The following SYCE2 variants were observed in gnomAD, a reference collection of about 807,000 sequenced individuals.
SYCE2 encodes central element synaptonemal complex 1.
A neutral mutation model predicts 27.9 loss-of-function variants in SYCE2; 3 were observed. That is an observed-to-expected ratio of 0.11 (90% CI 0.05 to 0.28). The LOEUF (loss-of-function observed/expected upper bound fraction) is 0.28, where lower values mean the gene tolerates loss of function less well. SYCE2 is among the 10% of genes least tolerant of loss of function. The pLI is 1.00. For synonymous variants in SYCE2, 85 were observed against 100.7 expected (o/e 0.84, Z 0.93); for missense variants, 207 against 263.5 (o/e 0.79, Z 1.48).
At position 12,903,650 on chromosome 19, in the gene SYCE2, G is replaced by T. The variant is rs556820181; in HGVS notation, c.306+842C>A. 2.0e-5 allele frequency among the ~76,000 whole-genome samples: 3 copies of T among 152,302 alleles called. No individual in the cohort carries two copies. The South Asian group carries it at 6.2e-4, about 32-fold the overall frequency. ...TCCCCCTGCCTCAGCCTCCCAAAGT[G>T]CTGGGATTATAGGCGTGAGCCACCA... On this transcript the variant is annotated intron_variant, in intron 3 of 5. Coordinates refer to ENST00000293695, the MANE Select transcript of SYCE2 (RefSeq NM_001105578.2).
intron 2 of SYCE2, among the ~76,000 whole-genome samples, chr19:12,917,099 C>G (rs1329823560): frequency 7.0e-6 from 1 of 143,812 alleles, no homozygotes; most frequent in Non-Finnish European, 1.5e-5. Flanking sequence ...GAGTCTTGCT[C>G]TGTCACCAAG....
intron 5 of SYCE2, chr19:12,899,775 G>C (rs1970792542): frequency 1.9e-6 from 3 of 1,604,616 alleles, no homozygotes; most frequent in South Asian, 1.1e-5. Context: ...CCATGGATGA[G>C]AGCAGACTCC....
At chr19:12,899,966 C>A in intron 5 of SYCE2, 38 bp downstream of exon 5, 2 of 1,608,882 alleles carry the variant, frequency 1.2e-6, no homozygotes, top group African/African-American at 1.3e-5. Context: ...ACCTGCACAT[C>A]TGACCCCAAG....
At chr19:12,907,758 TCCAG>T (rs1970963971) in intron 2 of SYCE2, among the ~76,000 whole-genome samples, 1 of 151,948 alleles carries the variant, frequency 6.6e-6, no homozygotes, top group Non-Finnish European at 1.5e-5. Flanking sequence ...GCCACTGCAC[TCCAG>T]CCTGGGCAAC....
chr19:12,918,125 A>C, intron 2 of SYCE2, 97 bp downstream of exon 2: 1 of 1,063,460 alleles, frequency 9.4e-7, no homozygotes, highest in South Asian at 1.4e-5. Context: ...GAGGGAAAAA[A>C]AAAGCAGCAG....
Position 12,915,823 on chromosome 19 carries a change from G to A in SYCE2, c.131+2399C>T, listed in dbSNP as rs941849181. 4.6e-5 allele frequency among the ~76,000 whole-genome samples: 7 copies of A among 151,758 alleles called. No individual in the cohort carries two copies. The East Asian group carries it at 9.7e-4, about 21-fold the overall frequency. On this transcript the variant is annotated intron_variant, in intron 2 of 5. Coordinates refer to ENST00000293695, the MANE Select transcript of SYCE2 (RefSeq NM_001105578.2). The stretch of plus-strand genomic sequence containing the variant: ...AATGCCACGAGCAGGGACTTCGCAC[G>A]AGCTCTTCTCTCAACCCCTCCTTCC...
chr19:12,899,991 T>G lies in SYCE2; in HGVS notation c.612+13A>C, dbSNP rs775491315. 6.2e-7 allele frequency: 1 copy of G among 1,613,010 alleles called. No homozygotes were observed. Among genetic ancestry groups the G allele is most frequent in the Non-Finnish European group, 8.5e-7 (1 of 1,179,958 alleles). ...CTGACCCCAAGGTGTCAGGCCGGTT[T>G]ACTGGTAACCACCTGAGAAGTAGTT... On this transcript the variant is annotated intron_variant, in intron 5 of 5. Coordinates refer to ENST00000293695, the MANE Select transcript of SYCE2 (RefSeq NM_001105578.2).
Position 12,918,208 on chromosome 19 carries a change from G to A in SYCE2, c.131+14C>T. The A allele has an allele frequency of 6.2e-7, 1 of 1,609,974 alleles. No individual in the cohort carries two copies. Among genetic ancestry groups the A allele is most frequent in the Non-Finnish European group, 8.5e-7 (1 of 1,176,216 alleles). ...GGGGCCTGTGTAGACCCATAGGGCT[G>A]GGATCTTCCTCACCTAGCTGGCCCT... is the stretch of plus-strand genomic sequence containing the variant. On this transcript the variant is annotated intron_variant, in intron 2 of 5. Transcript: ENST00000293695.
At chr19:12,918,427 G>A in intron 1 of SYCE2, 90 bp from the exon 2 acceptor site, 1 of 1,228,816 alleles carries the variant, frequency 8.1e-7, no homozygotes, top group Non-Finnish European at 1.2e-6. Flanking sequence ...TGGTCACCTC[G>A]ATGTGCTGCT....
At chr19:12,909,166 T>G (rs940006898) in intron 2 of SYCE2, among the ~76,000 whole-genome samples, 1 of 152,152 alleles carries the variant, frequency 6.6e-6, no homozygotes, top group African/African-American at 2.4e-5. Flanking sequence ...CTTTGTATCT[T>G]CAGTACTTAC....
intron 1 of SYCE2, 37 bp from the exon 2 acceptor site, chr19:12,918,374 G>A (rs2965214): frequency 0.65 from 1,026,449 of 1,587,162 alleles, 334,795 homozygotes; most frequent in East Asian, 0.86. Flanking sequence ...AAGGAGGGAG[G>A]ATGAGGAGTG....
intron 2 of SYCE2, among the ~76,000 whole-genome samples, chr19:12,911,640 C>T (rs1252853361): frequency 1.4e-5 from 1 of 69,008 alleles, no homozygotes. Context: ...TTTTTTTAGA[C>T]GAGGTCTCGC....
Position 12,898,928 on chromosome 19 carries a change from C to G in SYCE2, c.*413G>C, listed in dbSNP as rs1042600529. The G allele has an allele frequency of 3.0e-5, 7 of 234,710 alleles. No individual in the cohort carries two copies. The highest frequency in any genetic ancestry group is 1.6e-4 in the African/African-American group (7 of 44,024). 14.5% of individuals were successfully genotyped at this position (234,710 alleles called of 1,614,324 possible). ...GGGGTGTGGGATTCTCTGGGAGAGG[C>G]GGCTTCAGATGGGCAGAGGTCAGCT... is the stretch of plus-strand genomic sequence containing the variant. On this transcript the variant is annotated 3_prime_UTR_variant, in exon 6 of 6. Coordinates refer to ENST00000293695, the MANE Select transcript of SYCE2 (RefSeq NM_001105578.2).
chr19:12,907,380 C>T (rs957196666), intron 2 of SYCE2, among the ~76,000 whole-genome samples: 2 of 152,208 alleles, frequency 1.3e-5, no homozygotes, highest in Non-Finnish European at 2.9e-5. Context: ...TACATTTCCT[C>T]GTCGCCCTCT....
At chr19:12,915,169 G>A (rs1971116183) in intron 2 of SYCE2, among the ~76,000 whole-genome samples, 1 of 152,256 alleles carries the variant, frequency 6.6e-6, no homozygotes, top group Admixed American at 6.5e-5. Context: ...ATGAAGTCCA[G>A]ATGCAGTGGC....
rs117984891 is a variant in SYCE2, at chr19:12,899,161, A to G, written c.*180T>C. ...GGTGGGGAGCACGAAGCCTGGGCCT[A>G]TGGCAGGGGCTGGACTTGCTACATT... On this transcript the variant is annotated 3_prime_UTR_variant, in exon 6 of 6. Coordinates refer to ENST00000293695, the MANE Select transcript of SYCE2 (RefSeq NM_001105578.2). 5,587 of 617,382 alleles carry G rather than the reference A, an allele frequency of 9.0e-3. 35 individuals are homozygous for G. The highest frequency in any genetic ancestry group is 0.012 in the Non-Finnish European group (4,052 of 349,542). 38.2% of individuals were successfully genotyped at this position (617,382 alleles called of 1,614,324 possible).
At chr19:12,916,369 A>G (rs1166649473) in intron 2 of SYCE2, among the ~76,000 whole-genome samples, 1 of 151,974 alleles carries the variant, frequency 6.6e-6, no homozygotes, top group African/African-American at 2.4e-5. Flanking sequence ...CGCCCGGCCA[A>G]CATGAGCCTC....
At chr19:12,911,922 C>A (rs758137349) in intron 2 of SYCE2, among the ~76,000 whole-genome samples, 5 of 150,542 alleles carry the variant, frequency 3.3e-5, no homozygotes, top group Non-Finnish European at 7.4e-5. Flanking sequence ...CCAGTGCAGC[C>A]TTACTGTTTT....
intron 5 of SYCE2, 71 bp downstream of exon 5, chr19:12,899,933 G>C (rs765869286): frequency 6.2e-7 from 1 of 1,610,842 alleles, no homozygotes; most frequent in East Asian, 2.2e-5. Context: ...TGTTGGAGCA[G>C]AGTGAGGGAG....
Sources: allele counts gnomAD v4.1 joint callset (sites outside exome capture counted in the v4.1 genomes callset), GRCh38; gene constraint gnomAD v4.1.1; transcripts MANE v1.5; gene names NCBI Gene and HGNC (gene_info 2026-07-23, HGNC 2026-07-21).